GRM7: variants seen among roughly 807,000 people sequenced by gnomAD.
The protein encoded by GRM7 is metabotropic glutamate receptor 7.
In GRM7, 35 loss-of-function variants were observed where a neutral mutation model predicts 84.5. The ratio of observed to expected loss-of-function variants is 0.41; its 90% confidence interval spans 0.32 to 0.55. The LOEUF (loss-of-function observed/expected upper bound fraction) is 0.55, where lower values mean the gene tolerates loss of function less well. Ranked by LOEUF, GRM7 falls within the 20% of genes least tolerant of loss-of-function variation. GRM7 has a pLI of 0.19. For synonymous variants in GRM7, 487 were observed against 455.1 expected, an observed-to-expected ratio of 1.07 and a Z score of -0.89; for missense variants, 1,003 against 1,194.6, an observed-to-expected ratio of 0.84 and a Z score of 2.36.
chr3:6,898,736 G>A (rs1280109198), intron 1 of GRM7, among the ~76,000 whole-genome samples: 1 of 151,856 alleles, frequency 6.6e-6, no homozygotes, highest in African/African-American at 2.4e-5. Flanking sequence ...CTACTCTGGA[G>A]GCGAAGGCAG....
chr3:7,155,329 T>TA (rs1694413888), intron 2 of GRM7, among the ~76,000 whole-genome samples: 1 of 151,992 alleles, frequency 6.6e-6, no homozygotes, highest in Non-Finnish European at 1.5e-5. Context: ...AGTCACAGTG[T>TA]AAAAAAATGC....
intron 7 of GRM7, among the ~76,000 whole-genome samples, chr3:7,543,515 C>T (rs761187945): frequency 8.5e-5 from 13 of 152,210 alleles, no homozygotes; most frequent in South Asian, 2.1e-4. Context: ...TTTCCAGCCA[C>T]GCATTCAGCT....
chr3:7,372,855 C>CT (rs933100987), intron 4 of GRM7, among the ~76,000 whole-genome samples: 4 of 150,792 alleles, frequency 2.7e-5, no homozygotes, highest in Non-Finnish European at 5.9e-5. Context: ...AAGCAGAAAG[C>CT]TTTTTTTTTA....
intron 2 of GRM7, among the ~76,000 whole-genome samples, chr3:7,258,613 A>G (rs1172504987): frequency 6.6e-6 from 1 of 152,240 alleles, no homozygotes; most frequent in Non-Finnish European, 1.5e-5. Context: ...AATTTTTAAA[A>G]AGTAGATAAT....
chr3:7,595,627 A>G (rs956168826), intron 8 of GRM7, among the ~76,000 whole-genome samples: 1 of 152,090 alleles, frequency 6.6e-6, no homozygotes, highest in Admixed American at 6.5e-5. Context: ...GCGGTCAGGG[A>G]TGCCATCTTG....
chr3:7,264,644 G>GCA (rs1698566034), intron 2 of GRM7, among the ~76,000 whole-genome samples: 1 of 152,120 alleles, frequency 6.6e-6, no homozygotes, highest in Non-Finnish European at 1.5e-5. Flanking sequence ...TGCTAGGAGT[G>GCA]CACCGGTATT....
intron 2 of GRM7, among the ~76,000 whole-genome samples, chr3:7,243,737 A>G (rs1697650308): frequency 1.3e-5 from 2 of 152,128 alleles, no homozygotes; most frequent in Non-Finnish European, 1.5e-5. Flanking sequence ...AGACAATTTC[A>G]TCATTGTGTG....
At chr3:6,947,088 T>A (rs1169358692) in intron 1 of GRM7, among the ~76,000 whole-genome samples, 1 of 152,210 alleles carries the variant, frequency 6.6e-6, no homozygotes, top group Non-Finnish European at 1.5e-5. Context: ...TCCAACACTA[T>A]GTTGAATACG....
intron 2 of GRM7, among the ~76,000 whole-genome samples, chr3:7,161,554 T>C (rs1278865851): frequency 6.6e-6 from 1 of 152,172 alleles, no homozygotes; most frequent in Non-Finnish European, 1.5e-5. Flanking sequence ...AGATACCTAA[T>C]GCATGCAAAT....
intron 8 of GRM7, among the ~76,000 whole-genome samples, chr3:7,664,498 A>G (rs1053333611): frequency 3.9e-5 from 6 of 152,094 alleles, no homozygotes; most frequent in African/African-American, 1.2e-4. Flanking sequence ...TGTGCTTTGG[A>G]ATTGCCAAAT....
At chr3:7,224,587 A>G (rs1383707147) in intron 2 of GRM7, among the ~76,000 whole-genome samples, 2 of 152,196 alleles carry the variant, frequency 1.3e-5, no homozygotes, top group East Asian at 3.8e-4. Flanking sequence ...AAGAAATGTA[A>G]GAGAAATGAG....
rs377269633 is a variant in GRM7, at chr3:7,368,459, T to C, written c.1034-46564T>C. Among the ~76,000 whole-genome samples, 59 of 152,258 alleles carry C rather than the reference T, an allele frequency of 3.9e-4. 1 individual carries two copies. In the South Asian group the frequency reaches 9.3e-3, roughly 24 times the overall value. On this transcript the variant is annotated intron_variant, in intron 4 of 9. Transcript: ENST00000357716. ...GTAAAATGAGACTCACATAATTTCATTGATGGTAATGGATAATTTACTTTA... is the reference window on the plus strand; with the variant it reads ...GTAAAATGAGACTCACATAATTTCACTGATGGTAATGGATAATTTACTTTA...
intron 1 of GRM7, among the ~76,000 whole-genome samples, chr3:7,047,363 G>T (rs1696841816): frequency 6.6e-6 from 1 of 152,010 alleles, no homozygotes; most frequent in South Asian, 2.1e-4. Flanking sequence ...CAAGTGCAGT[G>T]TGAATGGTTA....
At chr3:7,053,635 T>C (rs1697093391) in intron 1 of GRM7, among the ~76,000 whole-genome samples, 1 of 151,632 alleles carries the variant, frequency 6.6e-6, no homozygotes, top group Non-Finnish European at 1.5e-5. Context: ...AATGTTATCC[T>C]TGTTTTGGTT....
chr3:7,162,685 T>C (rs1464253771), intron 2 of GRM7, among the ~76,000 whole-genome samples: 3 of 149,442 alleles, frequency 2.0e-5, no homozygotes, highest in Non-Finnish European at 4.4e-5. Context: ...TGAGGATGTT[T>C]GTTTTCTGCA....
chr3:7,298,872 G>C (rs1362695405), intron 3 of GRM7, 47 bp downstream of exon 3: 1 of 1,525,962 alleles, frequency 6.6e-7, no homozygotes, highest in East Asian at 2.3e-5. Context: ...TGCAATTTTA[G>C]GAGAGAGAAA....
chr3:6,904,003 G>T (rs1696482412), intron 1 of GRM7, among the ~76,000 whole-genome samples: 1 of 152,022 alleles, frequency 6.6e-6, no homozygotes, highest in South Asian at 2.1e-4. Flanking sequence ...GTTCGTTTAT[G>T]TTCAGATATA....
intron 1 of GRM7, among the ~76,000 whole-genome samples, chr3:6,987,426 T>C (rs995963054): frequency 6.6e-6 from 1 of 151,030 alleles, no homozygotes; most frequent in Non-Finnish European, 1.5e-5. Flanking sequence ...CCTGATAAAC[T>C]TACAGAAAAT....
intron 1 of GRM7, among the ~76,000 whole-genome samples, chr3:6,929,100 T>C (rs1697406554): frequency 6.6e-6 from 1 of 152,182 alleles, no homozygotes; most frequent in Non-Finnish European, 1.5e-5. Flanking sequence ...GTGATATTGG[T>C]ATTATAACAC....
Sources: allele counts gnomAD v4.1 joint callset (sites outside exome capture counted in the v4.1 genomes callset), GRCh38; gene constraint gnomAD v4.1.1; transcripts MANE v1.5; gene names NCBI Gene and HGNC (gene_info 2026-07-23, HGNC 2026-07-21).